The following PXK variants were observed in gnomAD, a reference collection of about 807,000 sequenced individuals.
PXK encodes PX domain containing serine/threonine kinase like.
Under a neutral mutation model 84.7 loss-of-function variants are expected in PXK, and 35 were observed. The observed-to-expected ratio is 0.41, with a 90% CI of 0.32 to 0.55. The LOEUF is 0.55. Among genes scored for constraint, PXK ranks in the 20% least tolerant of loss-of-function variants. The pLI is 0.21. For synonymous variants in PXK, 253 were observed against 260.8 expected, an observed-to-expected ratio of 0.97 and a Z score of 0.29; for missense variants, 634 against 699.7, an observed-to-expected ratio of 0.91 and a Z score of 1.06.
In PXK at chr3:58,333,756, C is replaced by G. The variant is rs1340687446; in HGVS notation, c.102+666C>G. 2.0e-5 allele frequency: 8 copies of G among 407,220 alleles called. No individual in the cohort carries two copies. The highest frequency in any genetic ancestry group is 4.0e-5 in the Non-Finnish European group (8 of 201,374). 25.2% of individuals were successfully genotyped at this position (407,220 alleles called of 1,614,324 possible). A position where few individuals can be genotyped will look rare whatever the true frequency, so the allele number is the denominator to read the frequency against. On this transcript the variant is annotated intron_variant, in intron 1 of 17. Transcript: ENST00000356151. The surrounding 1 kb of genome is among the most constrained non-coding windows in gnomAD (Gnocchi z 5.4). The stretch of plus-strand genomic sequence containing the variant: ...GTAGCATTCATTTGAGTTTAAAATC[C>G]ACTCGAGTAGCATAAAGGAGTAATA...
In PXK at chr3:58,407,646, C is replaced by T. The variant is rs2059594485; in HGVS notation, c.1231-1278C>T. On this transcript the variant is annotated intron_variant, in intron 13 of 17. Coordinates refer to ENST00000356151, the MANE Select transcript of PXK (RefSeq NM_017771.5). This position sits in a 1 kb window ranked among gnomAD's most constrained non-coding sequence, Gnocchi z 4.3. ...CACAATCTCAGCTCACTGCAACCTC[C>T]GCCCTCCCAGGTTCAAGTGATCTTC... is the stretch of plus-strand genomic sequence containing the variant. 2.0e-5 allele frequency among the ~76,000 whole-genome samples: 3 copies of T among 152,052 alleles called. No individual in the cohort carries two copies. The highest frequency in any genetic ancestry group is 2.1e-4 in the South Asian group (1 of 4,824).
rs2062633254 is a variant in PXK at position 58,424,993 on chromosome 3, T to C, written c.*33T>C. 2 of 1,611,234 alleles carry C rather than the reference T, an allele frequency of 1.2e-6. No homozygotes were observed. Among genetic ancestry groups the C allele is most frequent in the Non-Finnish European group, 1.7e-6 (2 of 1,178,708 alleles). On this transcript the variant is annotated 3_prime_UTR_variant, in exon 18 of 18. Transcript: ENST00000356151. Reference sequence around the variant, plus strand: ...TGTTTACACTTGGAGGGAAAAGTTCTTTTTTATTCCTACTCACCCCTACCC... The same window carrying C: ...TGTTTACACTTGGAGGGAAAAGTTCCTTTTTATTCCTACTCACCCCTACCC...
chr3:58,394,918 C>A, intron 7 of PXK, 80 bp from the exon 8 acceptor site: 1 of 1,037,706 alleles, frequency 9.6e-7, no homozygotes, highest in Non-Finnish European at 1.5e-6. Flanking sequence ...TGCTACTTGA[C>A]TCTGCATAAC....
rs1182727145 is a variant in PXK, at chr3:58,407,702, G to A, written c.1231-1222G>A. On this transcript the variant is annotated intron_variant, in intron 13 of 17. Transcript: ENST00000356151. The surrounding 1 kb of genome is among the most constrained non-coding windows in gnomAD (Gnocchi z 4.3). ...TCAGCCTCCCAAGTAGATTACAGGCGTGCACCACCACACCTGGCTAATTTT... is the reference window on the plus strand; with the variant it reads ...TCAGCCTCCCAAGTAGATTACAGGCATGCACCACCACACCTGGCTAATTTT... Among the ~76,000 whole-genome samples, 4 of 151,816 alleles carry A rather than the reference G, an allele frequency of 2.6e-5. No homozygotes were observed. The highest frequency in any genetic ancestry group is 2.1e-4 in the South Asian group (1 of 4,808).
At chr3:58,341,125 G>A (rs1226753148) in intron 1 of PXK, among the ~76,000 whole-genome samples, 1 of 152,184 alleles carries the variant, frequency 6.6e-6, no homozygotes, top group East Asian at 1.9e-4. Context: ...TGACTTAGGA[G>A]TATGGAACAA....
intron 4 of PXK, among the ~76,000 whole-genome samples, chr3:58,386,085 C>G (rs2098548262): frequency 6.6e-6 from 1 of 152,068 alleles, no homozygotes. Context: ...GACTGCTGAG[C>G]CTTTCTTTCT....
chr3:58,348,227 G>C (rs1235300159), intron 1 of PXK, among the ~76,000 whole-genome samples: 1 of 152,154 alleles, frequency 6.6e-6, no homozygotes. Context: ...AACTTTGAAT[G>C]AAAGAGGTAA....
At chr3:58,395,411 T>C (rs2057494878) in intron 8 of PXK, among the ~76,000 whole-genome samples, 1 of 152,242 alleles carries the variant, frequency 6.6e-6, no homozygotes, top group African/African-American at 2.4e-5. Context: ...ATTCGAACAA[T>C]ATGCAAGACT....
chr3:58,423,272 C>A, intron 17 of PXK: 1 of 973,112 alleles, frequency 1.0e-6, no homozygotes, highest in South Asian at 4.8e-5. Flanking sequence ...TGACATAAAG[C>A]CAGGAACATT....
Position 58,332,917 on chromosome 3 carries a change from G to C in PXK, c.-72G>C. 1.0e-6 allele frequency: 1 copy of C among 1,001,680 alleles called. No individual in the cohort carries two copies. The highest frequency in any genetic ancestry group is 2.6e-5 in the South Asian group (1 of 37,882). 62.0% of individuals were successfully genotyped at this position (1,001,680 alleles called of 1,614,324 possible). A position where few individuals can be genotyped will look rare whatever the true frequency, so the allele number is the denominator to read the frequency against. ...GTTGACAGCGGCGGCGGTGGAACCG[G>C]GCGGGCGGCGGGAGTCGGCGCCTCG... On this transcript the variant is annotated 5_prime_UTR_variant, in exon 1 of 18. Transcript: ENST00000356151. This position sits in a 1 kb window ranked among gnomAD's most constrained non-coding sequence, Gnocchi z 5.6.
intron 1 of PXK, among the ~76,000 whole-genome samples, chr3:58,336,174 G>A (rs140875768): frequency 0.046 from 6,863 of 149,124 alleles, 557 homozygotes; most frequent in African/African-American, 0.16. Flanking sequence ...GCCTCCCAAA[G>A]TGCTGGGATT....
In PXK at chr3:58,423,177, A is replaced by C. The variant is rs374108702; in HGVS notation, c.1529-1575A>C. 1.8e-4 allele frequency: 180 copies of C among 985,010 alleles called. No homozygotes were observed. The Middle Eastern group carries it at 3.7e-3, about 20-fold the overall frequency. 61.0% of individuals were successfully genotyped at this position (985,010 alleles called of 1,614,324 possible). A position where few individuals can be genotyped will look rare whatever the true frequency, so the allele number is the denominator to read the frequency against. ...GCTCTCCAGAAGTCCTCTTCAGAGG[A>C]ATGCTCATCACACATGCTTATTCTC... is the stretch of plus-strand genomic sequence containing the variant. On this transcript the variant is annotated intron_variant, in intron 17 of 17. Coordinates refer to ENST00000356151, the MANE Select transcript of PXK (RefSeq NM_017771.5).
In PXK at chr3:58,401,800, G is replaced by A. The variant is rs958885776; in HGVS notation, c.1182-2062G>A. ...AAATTAGCCGAGCGTGGTGGCGGGC[G>A]TCTGTAGTCCCAGCTACCCAGGAGG... is the stretch of plus-strand genomic sequence containing the variant. On this transcript the variant is annotated intron_variant, in intron 12 of 17. Transcript: ENST00000356151. This position sits in a 1 kb window ranked among gnomAD's most constrained non-coding sequence, Gnocchi z 4.4. 1.3e-5 allele frequency among the ~76,000 whole-genome samples: 2 copies of A among 151,788 alleles called. No homozygotes were observed. Among genetic ancestry groups the A allele is most frequent in the East Asian group, 1.9e-4 (1 of 5,158 alleles).
In PXK at chr3:58,376,629, A is replaced by ATTATTTAT. The variant is rs71625619; in HGVS notation, c.202-5866_202-5859dup. On this transcript the variant is annotated intron_variant, in intron 3 of 17. Transcript: ENST00000356151. ...TGTTTTAGGTAATATATTACCCTTT[A>ATTATTTAT]TTATTTATTTATTTATTTATTTATT... Among the ~76,000 whole-genome samples, 422 of 151,540 alleles carry ATTATTTAT rather than the reference A, an allele frequency of 2.8e-3. 1 individual carries two copies. Among genetic ancestry groups the ATTATTTAT allele is most frequent in the African/African-American group, 9.9e-3 (408 of 41,390 alleles).
intron 12 of PXK, among the ~76,000 whole-genome samples, chr3:58,403,526 A>G (rs934127175): frequency 1.3e-5 from 2 of 152,250 alleles, no homozygotes; most frequent in Non-Finnish European, 2.9e-5. Context: ...ATTTAGAAAT[A>G]TCTACCGCAT....
intron 1 of PXK, among the ~76,000 whole-genome samples, chr3:58,335,045 GTGT>G (rs2097568790): frequency 2.8e-5 from 4 of 145,086 alleles, no homozygotes; most frequent in African/African-American, 1.1e-4. Context: ...GTGTGTGTGT[GTGT>G]GTGTGTGTGT....
chr3:58,372,687 C>T (rs1310975591), intron 3 of PXK, among the ~76,000 whole-genome samples: 1 of 151,572 alleles, frequency 6.6e-6, no homozygotes, highest in East Asian at 1.9e-4. Flanking sequence ...AATGCAGTGG[C>T]GTGATCTTGG....
chr3:58,381,201 A>G (rs567064706), intron 3 of PXK, among the ~76,000 whole-genome samples: 6 of 150,570 alleles, frequency 4.0e-5, no homozygotes, highest in Admixed American at 6.6e-5. Context: ...GCGAGCCGAG[A>G]TCACGCCACT....
rs568842225 is a variant in PXK at position 58,370,566 on chromosome 3, C to A, written c.201+1088C>A. ...CCAGGAGGGAAAGGACTGCTCCCGT[C>A]ATTGGTGAGCTAGCCGTTATCGCTC... On this transcript the variant is annotated intron_variant, in intron 3 of 17. Coordinates refer to ENST00000356151, the MANE Select transcript of PXK (RefSeq NM_017771.5). This position sits in a 1 kb window ranked among gnomAD's most constrained non-coding sequence, Gnocchi z 4.2. Among the ~76,000 whole-genome samples the A allele has an allele frequency of 1.3e-5, 2 of 152,288 alleles. No homozygotes were observed. Among genetic ancestry groups the A allele is most frequent in the East Asian group, 3.9e-4 (2 of 5,186 alleles).
Sources: gnomAD v4.1 joint callset for allele counts (sites outside exome capture counted in the v4.1 genomes callset) on GRCh38, gnomAD v4.1.1 for gene constraint, Gnocchi (gnomAD v3.1) non-coding constraint, MANE v1.5 for transcripts, NCBI Gene and HGNC (gene_info 2026-07-23, HGNC 2026-07-21) for gene names.